DLG2: variants seen among roughly 807,000 people sequenced by gnomAD.
The protein encoded by DLG2 is disks large homolog 2.
DLG2 carries 45 observed loss-of-function variants against 132.5 expected under a neutral mutation model. The ratio of observed to expected loss-of-function variants is 0.34; its 90% CI spans 0.27 to 0.44. The LOEUF (loss-of-function observed/expected upper bound fraction) is 0.44. Among genes scored for constraint, DLG2 ranks in the 20% least tolerant of loss-of-function variants. The pLI is 1.00. For synonymous variants in DLG2, 424 were observed against 419.6 expected, an observed-to-expected ratio of 1.01 and a Z score of -0.13; for missense variants, 1,045 against 1,196.9, an observed-to-expected ratio of 0.87 and a Z score of 1.87.
At chr11:84,377,260 T>A (rs1853729635) in intron 7 of DLG2, among the ~76,000 whole-genome samples, 2 of 151,872 alleles carry the variant, frequency 1.3e-5, no homozygotes, top group African/African-American at 4.8e-5. Flanking sequence ...ATAAGGCAAC[T>A]GTCTTAGTTT....
intron 6 of DLG2, among the ~76,000 whole-genome samples, chr11:84,660,822 A>C (rs1332476041): frequency 6.6e-6 from 1 of 152,228 alleles, no homozygotes; most frequent in Admixed American, 6.5e-5. Flanking sequence ...AGGCAAGGTG[A>C]CTAAGTGGGC....
chr11:85,580,605 T>C (rs2078449547), intron 3 of DLG2, among the ~76,000 whole-genome samples: 1 of 152,242 alleles, frequency 6.6e-6, no homozygotes, highest in Non-Finnish European at 1.5e-5. Flanking sequence ...ATTAGGTGAA[T>C]ACTTTTATTA....
At chr11:84,869,819 A>T in intron 6 of DLG2, among the ~76,000 whole-genome samples, 1 of 152,246 alleles carries the variant, frequency 6.6e-6, no homozygotes, top group East Asian at 1.9e-4. Flanking sequence ...TAATAAACCT[A>T]AATAACCAAC....
intron 26 of DLG2, among the ~76,000 whole-genome samples, chr11:83,466,321 T>C (rs2091031399): frequency 6.6e-6 from 1 of 152,136 alleles, no homozygotes; most frequent in Admixed American, 6.5e-5. Context: ...TAAAAAATGA[T>C]TGCTTCCTAT....
intron 6 of DLG2, among the ~76,000 whole-genome samples, chr11:84,938,141 T>A (rs1211152284): frequency 3.3e-5 from 5 of 152,212 alleles, no homozygotes; most frequent in Admixed American, 3.3e-4. Flanking sequence ...AGAAATTAAG[T>A]AACTTCTACA....
At chr11:84,445,779 G>A (rs957623704) in intron 7 of DLG2, among the ~76,000 whole-genome samples, 2 of 151,878 alleles carry the variant, frequency 1.3e-5, no homozygotes, top group Non-Finnish European at 1.5e-5. Context: ...AGCCGGGTGT[G>A]GTAGCGGGCG....
chr11:83,882,461 G>C (rs1216611447), intron 15 of DLG2, among the ~76,000 whole-genome samples: 1 of 152,106 alleles, frequency 6.6e-6, no homozygotes, highest in African/African-American at 2.4e-5. Context: ...ATCAAATTTA[G>C]AGCCCCCAAT....
intron 2 of DLG2, among the ~76,000 whole-genome samples, chr11:85,599,765 C>T (rs778896909): frequency 1.3e-5 from 2 of 152,204 alleles, no homozygotes; most frequent in Non-Finnish European, 2.9e-5. Flanking sequence ...TTCTAAACCA[C>T]TTTGCCTATA....
At chr11:84,311,023 A>G (rs187948541) in intron 7 of DLG2, among the ~76,000 whole-genome samples, 1 of 152,316 alleles carries the variant, frequency 6.6e-6, no homozygotes, top group African/African-American at 2.4e-5. Context: ...TGGGAATGCT[A>G]CTTCATCAAC....
intron 8 of DLG2, among the ~76,000 whole-genome samples, chr11:84,175,280 G>T (rs1056271136): frequency 6.6e-6 from 1 of 152,048 alleles, no homozygotes; most frequent in African/African-American, 2.4e-5. Context: ...CTGACATACT[G>T]TCCTCTTGCT....
chr11:84,968,989 T>C (rs537621316), intron 6 of DLG2, among the ~76,000 whole-genome samples: 1 of 151,624 alleles, frequency 6.6e-6, no homozygotes, highest in Non-Finnish European at 1.5e-5. Context: ...TAGAGCAGTA[T>C]ATATACAATA....
At chr11:83,825,677 A>G (rs1234951264) in intron 17 of DLG2, among the ~76,000 whole-genome samples, 1 of 152,146 alleles carries the variant, frequency 6.6e-6, no homozygotes, top group East Asian at 1.9e-4. Context: ...GGAGCTCAGC[A>G]CAGAGGGGAC....
chr11:84,093,788 T>C (rs2097129949), intron 10 of DLG2, among the ~76,000 whole-genome samples: 1 of 151,788 alleles, frequency 6.6e-6, no homozygotes, highest in Non-Finnish European at 1.5e-5. Flanking sequence ...CTAATTTTTG[T>C]ATTTTTAGTA....
chr11:84,775,096 A>AACCT (rs1471907592), intron 6 of DLG2, among the ~76,000 whole-genome samples: 1 of 152,172 alleles, frequency 6.6e-6, no homozygotes, highest in Non-Finnish European at 1.5e-5. Context: ...AAAAGCTAAT[A>AACCT]ACCTCATTAA....
At chr11:84,394,695 C>G (rs2098805108) in intron 7 of DLG2, among the ~76,000 whole-genome samples, 2 of 115,268 alleles carry the variant, frequency 1.7e-5, no homozygotes, top group Non-Finnish European at 3.2e-5. Flanking sequence ...ATGGCGTGAT[C>G]TCAGCTACCT....
intron 3 of DLG2, among the ~76,000 whole-genome samples, chr11:85,343,665 T>C (rs968325687): frequency 7.9e-5 from 12 of 151,444 alleles, no homozygotes; most frequent in Middle Eastern, 3.4e-3. Context: ...CGCACATACA[T>C]ACACACACAC....
chr11:84,540,263 A>G (rs1335362415), intron 6 of DLG2, among the ~76,000 whole-genome samples: 1 of 152,058 alleles, frequency 6.6e-6, no homozygotes, highest in Non-Finnish European at 1.5e-5. Context: ...CAACCTACAG[A>G]ATGGGAGAAA....
At chr11:84,395,441 G>A (rs2098807758) in intron 7 of DLG2, among the ~76,000 whole-genome samples, 1 of 151,998 alleles carries the variant, frequency 6.6e-6, no homozygotes. Flanking sequence ...TTTGGAGACA[G>A]GGTCTCATTC....
chr11:84,160,186 T>G (rs1192411800), intron 9 of DLG2, among the ~76,000 whole-genome samples: 1 of 152,096 alleles, frequency 6.6e-6, no homozygotes, highest in Non-Finnish European at 1.5e-5. Flanking sequence ...TGAGGCCATC[T>G]AGGGAATGAA....
Sources: gnomAD v4.1 joint callset for allele counts (sites outside exome capture counted in the v4.1 genomes callset) on GRCh38, gnomAD v4.1.1 for gene constraint, MANE v1.5 for transcripts, NCBI Gene and HGNC (gene_info 2026-07-23, HGNC 2026-07-21) for gene names.